Variants in KANK1 observed in about 807,000 individuals in gnomAD.
KANK1 encodes KN motif and ankyrin repeat domains 1, also known as KN motif and ankyrin repeat domain-containing protein 1.
In KANK1, 109 loss-of-function variants were observed where a neutral mutation model predicts 106.2. The ratio of observed to expected loss-of-function variants is 1.03; its 90% CI spans 0.88 to 1.20. The LOEUF (loss-of-function observed/expected upper bound fraction) is 1.20. Ranked by LOEUF, KANK1 falls within the 50% of genes most tolerant of loss-of-function variation. The probability of loss-of-function intolerance (pLI) is 0.00; values close to 1 mark genes in which losing one functional copy is unlikely to be tolerated. For synonymous variants in KANK1, 873 were observed against 652.2 expected (o/e 1.34, Z -5.16); for missense variants, 2,399 against 1,710.7 (o/e 1.40, Z -7.10).
chr9:512,635 G>T (rs2132884923), intron 1 of KANK1, among the ~76,000 whole-genome samples: 1 of 152,228 alleles, frequency 6.6e-6, no homozygotes, highest in African/African-American at 2.4e-5. Flanking sequence ...ATTATCAGAA[G>T]TTAATAACTT....
rs746523834 is a variant in KANK1, at chr9:712,931, G to T, written c.2165G>T (p.Gly722Val). ...ACGCGGACAGTAGCTGTAGGAGAAG[G>T]CCGTGTCAAGGACATCAACTCCTCC... The part of the protein sequence containing the change: ...VETRTVAVGE[G>V]RVKDINSSTK... The change falls in exon 3 of 12, where the codon GGC (glycine) becomes GTC (valine). Residue 722 changes from glycine (G) to valine (V), a missense_variant. By Grantham distance (109) the Gly-to-Val change is moderately radical. Coordinates refer to ENST00000382297, the MANE Select transcript of KANK1 (RefSeq NM_015158.5). 1 of 1,614,158 alleles carries T rather than the reference G, an allele frequency of 6.2e-7. No individual in the cohort carries two copies. Among genetic ancestry groups the T allele is most frequent in the Non-Finnish European group, 8.5e-7 (1 of 1,180,040 alleles).
At chr9:509,227 A>G (rs1269666468) in intron 1 of KANK1, among the ~76,000 whole-genome samples, 2 of 152,040 alleles carry the variant, frequency 1.3e-5, no homozygotes, top group Non-Finnish European at 2.9e-5. Flanking sequence ...CCTCCCGATT[A>G]GCTGGAACTA....
chr9:512,249 G>GTGTGTGTGTGTGTGTGTA lies in KANK1; in HGVS notation c.-84+7496_-84+7497insGTGTGTGTGTGTGTGTAT, dbSNP rs370159663. Among the ~76,000 whole-genome samples the GTGTGTGTGTGTGTGTGTA allele has an allele frequency of 3.8e-3, 568 of 149,612 alleles. 21 individuals carry two copies. The South Asian group carries it at 0.07, about 19-fold the overall frequency. On this transcript the variant is annotated intron_variant, in intron 1 of 11. Coordinates refer to ENST00000382297, the MANE Select transcript of KANK1 (RefSeq NM_015158.5). ...ACCAATAGTGTGTGTGTGTGTGTGT[G>GTGTGTGTGTGTGTGTGTA]TATGTATATACACACACACAAGATT...
chr9:690,211 C>T (rs1819576751), intron 2 of KANK1, among the ~76,000 whole-genome samples: 1 of 143,782 alleles, frequency 7.0e-6, no homozygotes, highest in African/African-American at 2.6e-5. Context: ...GAGACTGAGG[C>T]AGGAGAATTG....
intron 1 of KANK1, among the ~76,000 whole-genome samples, chr9:518,383 C>T (rs375584704): frequency 3.3e-5 from 5 of 151,622 alleles, no homozygotes. Flanking sequence ...CCCCTTCTCC[C>T]TCCTTGACCC....
chr9:649,854 G>T (rs1190315115), intron 1 of KANK1, among the ~76,000 whole-genome samples: 9 of 152,164 alleles, frequency 5.9e-5, no homozygotes, highest in Admixed American at 5.9e-4. Flanking sequence ...TGTGACCCAT[G>T]GGATGACAGT....
At chr9:731,453 G>C (rs1312145530) in intron 5 of KANK1, 187 bp downstream of exon 5, 2 of 484,016 alleles carry the variant, frequency 4.1e-6, no homozygotes, top group Non-Finnish European at 7.5e-6. Context: ...TTAAGGATTT[G>C]TCACTCTCTT....
At chr9:482,869 T>C (rs775067560) in intron 3 of KANK1, among the ~76,000 whole-genome samples, 9 of 152,126 alleles carry the variant, frequency 5.9e-5, no homozygotes, top group Non-Finnish European at 1.0e-4. Context: ...AATTTCAAGT[T>C]GTCCGTGTTC....
At chr9:541,624 G>A (rs2060604358) in intron 1 of KANK1, among the ~76,000 whole-genome samples, 2 of 151,996 alleles carry the variant, frequency 1.3e-5, no homozygotes, top group African/African-American at 4.8e-5. Context: ...ATGGGATTGT[G>A]TTAAACTAAA....
chr9:605,262 C>T (rs190996130), intron 1 of KANK1, among the ~76,000 whole-genome samples: 2 of 143,796 alleles, frequency 1.4e-5, no homozygotes, highest in African/African-American at 5.3e-5. Context: ...GATTGAACCA[C>T]TGCACTCCAG....
chr9:471,507 T>G (rs1338116891), intron 2 of KANK1: 1 of 152,248 alleles, frequency 6.6e-6, no homozygotes, highest in Non-Finnish European at 1.5e-5. Context: ...CCTCAGTCTG[T>G]CATCTTCCTT....
At chr9:651,044 C>T (rs1473298871) in intron 1 of KANK1, among the ~76,000 whole-genome samples, 3 of 152,112 alleles carry the variant, frequency 2.0e-5, no homozygotes, top group African/African-American at 7.2e-5. Context: ...TGACTATATT[C>T]TGGCTATTTA....
chr9:512,249 G>GTGTGTGTGTGTGTGTA lies in KANK1; in HGVS notation c.-84+7496_-84+7497insGTGTGTGTGTGTGTAT, dbSNP rs370159663. On this transcript the variant is annotated intron_variant, in intron 1 of 11. Transcript: ENST00000382297. Reference sequence around the variant, plus strand: ...ACCAATAGTGTGTGTGTGTGTGTGTGTATGTATATACACACACACAAGATT... The same window carrying GTGTGTGTGTGTGTGTA: ...ACCAATAGTGTGTGTGTGTGTGTGTGTGTGTGTGTGTGTGTATATGTATATACACACACACAAGATT... Among the ~76,000 whole-genome samples, 178 of 149,614 alleles carry GTGTGTGTGTGTGTGTA rather than the reference G, an allele frequency of 1.2e-3. 6 individuals are homozygous for GTGTGTGTGTGTGTGTA. In the South Asian group the frequency reaches 0.031, roughly 26 times the overall value.
chr9:723,251 C>T (rs1259987037), intron 3 of KANK1, among the ~76,000 whole-genome samples: 1 of 151,974 alleles, frequency 6.6e-6, no homozygotes, highest in Non-Finnish European at 1.5e-5. Flanking sequence ...AGGAGGTGGA[C>T]CTTGATTGGA....
At chr9:471,912 A>G (rs1478044783) in intron 2 of KANK1, among the ~76,000 whole-genome samples, 1 of 152,122 alleles carries the variant, frequency 6.6e-6, no homozygotes, top group Admixed American at 6.5e-5. Context: ...GCCGGTCACC[A>G]GGGACTGCGG....
At chr9:706,793 A>G (rs1824325538) in intron 2 of KANK1, 1 of 985,496 alleles carries the variant, frequency 1.0e-6, no homozygotes. Context: ...GAACCCGCAG[A>G]GAACAGTGGG....
chr9:588,971 C>G (rs1391556471), intron 1 of KANK1, among the ~76,000 whole-genome samples: 1 of 151,928 alleles, frequency 6.6e-6, no homozygotes, highest in African/African-American at 2.4e-5. Context: ...TAATTATTAC[C>G]AAATCAGTAA....
At chr9:584,316 T>G (rs1348483388) in intron 1 of KANK1, among the ~76,000 whole-genome samples, 1 of 152,250 alleles carries the variant, frequency 6.6e-6, no homozygotes, top group Non-Finnish European at 1.5e-5. Flanking sequence ...GTATTATGTT[T>G]ATGTGTCATG....
intron 1 of KANK1, among the ~76,000 whole-genome samples, chr9:642,121 G>T (rs912136358): frequency 6.6e-6 from 1 of 152,148 alleles, no homozygotes; most frequent in Non-Finnish European, 1.5e-5. Context: ...ATGAACTGTT[G>T]GCTTGGATTT....
Sources: gnomAD v4.1 joint callset for allele counts (sites outside exome capture counted in the v4.1 genomes callset) on GRCh38, gnomAD v4.1.1 for gene constraint, MANE v1.5 for transcripts, NCBI Gene and HGNC (gene_info 2026-07-23, HGNC 2026-07-21) for gene names.